Variants in EPB41L2 observed in about 807,000 individuals in gnomAD.
EPB41L2 encodes erythrocyte membrane protein band 4.1 like 2.
Under a neutral mutation model 113.0 loss-of-function variants are expected in EPB41L2, and 43 were observed. The observed-to-expected ratio is 0.38, with a 90% CI of 0.30 to 0.49. The LOEUF (loss-of-function observed/expected upper bound fraction) is 0.49, where lower values mean the gene tolerates loss of function less well. EPB41L2 is among the 20% of genes least tolerant of loss of function. EPB41L2 has a pLI of 0.95. For missense variants in EPB41L2, 1,147 were observed against 1,223.4 expected (o/e 0.94, Z 0.93); for synonymous variants, 442 against 436.7 (o/e 1.01, Z -0.15).
chr6:131,047,341 C>T (rs1268897504), intron 1 of EPB41L2, among the ~76,000 whole-genome samples: 1 of 151,868 alleles, frequency 6.6e-6, no homozygotes, highest in Non-Finnish European at 1.5e-5. Context: ...AGCAAGACCC[C>T]ATCTCTAAAA....
chr6:130,863,894 T>C (rs779038676), intron 17 of EPB41L2, among the ~76,000 whole-genome samples, 176 bp from the exon 18 acceptor site: 6 of 152,204 alleles, frequency 3.9e-5, no homozygotes, highest in Non-Finnish European at 7.4e-5. Flanking sequence ...TTAGGCTCAA[T>C]AGAGAATCCT....
chr6:131,016,553 A>G (rs376862399), intron 1 of EPB41L2, among the ~76,000 whole-genome samples: 2 of 151,802 alleles, frequency 1.3e-5, no homozygotes, highest in South Asian at 2.1e-4. Flanking sequence ...GAGAATACCA[A>G]AATGAATGGG....
At chr6:130,920,415 G>A (rs2128538769) in intron 4 of EPB41L2, among the ~76,000 whole-genome samples, 1 of 152,244 alleles carries the variant, frequency 6.6e-6, no homozygotes, top group Middle Eastern at 3.4e-3. Context: ...ACATCCTCTA[G>A]TATCATTCTC....
chr6:131,029,682 AAT>A (rs1791667561), intron 1 of EPB41L2, among the ~76,000 whole-genome samples: 1 of 152,180 alleles, frequency 6.6e-6, no homozygotes, highest in South Asian at 2.1e-4. Context: ...ACTCAGATTT[AAT>A]ACATTTACTT....
rs1817018184 is a variant in EPB41L2, at chr6:130,955,269, G to T, written c.541C>A (p.Gln181Lys). 3.7e-6 allele frequency: 6 copies of T among 1,613,986 alleles called. No individual in the cohort carries two copies. Among genetic ancestry groups the T allele is most frequent in the Non-Finnish European group, 4.2e-6 (5 of 1,179,998 alleles). The change falls in exon 3 of 20, where the codon CAG becomes AAG. Residue 181 changes from glutamine to lysine, a missense_variant. Gln to Lys is a moderately conservative substitution (Grantham distance 53, BLOSUM62 1). Transcript: ENST00000337057. The part of the protein sequence containing the change: ...KEREEKVKET[Q>K]EDKLEGGAAK... ...GCTCCTCCTTCTAATTTGTCTTCCTGTGTTTCTTTTACCTTCTCTTCTCTC... is the reference window on the plus strand; with the variant it reads ...GCTCCTCCTTCTAATTTGTCTTCCTTTGTTTCTTTTACCTTCTCTTCTCTC...
intron 4 of EPB41L2, among the ~76,000 whole-genome samples, chr6:130,922,416 C>T (rs1304860402): frequency 6.6e-6 from 1 of 152,208 alleles, no homozygotes; most frequent in Non-Finnish European, 1.5e-5. Flanking sequence ...GTTGTGATAG[C>T]TATGAAAAAC....
At chr6:131,055,499 C>CA (rs1238186271) in intron 1 of EPB41L2, among the ~76,000 whole-genome samples, 2 of 152,120 alleles carry the variant, frequency 1.3e-5, no homozygotes, top group Non-Finnish European at 2.9e-5. Flanking sequence ...TACCTTTACA[C>CA]AAAAAACTAC....
At chr6:130,957,489 C>G (rs1817826865) in intron 1 of EPB41L2, among the ~76,000 whole-genome samples, 1 of 152,090 alleles carries the variant, frequency 6.6e-6, no homozygotes, top group East Asian at 1.9e-4. Context: ...AGTGTCCCAG[C>G]TATCTTCAAA....
chr6:131,005,178 G>GTTT (rs5880046), intron 1 of EPB41L2, among the ~76,000 whole-genome samples: 2 of 145,206 alleles, frequency 1.4e-5, no homozygotes, highest in African/African-American at 5.1e-5. Flanking sequence ...CTTTTACAGA[G>GTTT]TTTTTTTTTT....
Position 130,869,683 on chromosome 6 carries a change from TAC to T in EPB41L2, c.2485_2486del (p.Val829ThrfsTer6). The stretch of plus-strand genomic sequence containing the variant: ...TGTCTTGCTTAAGAGCGCCTTCGTG[TAC>T]ACTCTTCTCTCCGGGTATCTTTTGG... ...GAQKIPGEKS[V>X]HEGALKQDMG... On this transcript the variant is annotated frameshift_variant, in exon 15 of 20. Transcript: ENST00000337057. LOFTEE classifies it high-confidence loss of function. 6.2e-7 allele frequency: 1 copy of T among 1,614,228 alleles called. No individual in the cohort carries two copies. The highest frequency in any genetic ancestry group is 8.5e-7 in the Non-Finnish European group (1 of 1,180,046).
intron 1 of EPB41L2, among the ~76,000 whole-genome samples, chr6:131,036,439 T>C (rs1255585002): frequency 6.6e-6 from 1 of 151,746 alleles, no homozygotes; most frequent in Non-Finnish European, 1.5e-5. Flanking sequence ...AGAAGACGGA[T>C]GTAATAAAAA....
At chr6:130,989,406 G>C (rs535879304) in intron 1 of EPB41L2, among the ~76,000 whole-genome samples, 4 of 152,158 alleles carry the variant, frequency 2.6e-5, no homozygotes, top group Non-Finnish European at 4.4e-5. Context: ...TCAAAGAGAA[G>C]TATGCCTTTA....
chr6:130,911,185 C>G (rs936367174), intron 4 of EPB41L2, among the ~76,000 whole-genome samples: 2 of 152,176 alleles, frequency 1.3e-5, no homozygotes, highest in Non-Finnish European at 2.9e-5. Flanking sequence ...CCACGAAATA[C>G]TATGCAGCCA....
chr6:130,846,379 T>TA (rs1777049474), intron 19 of EPB41L2, among the ~76,000 whole-genome samples: 2 of 152,322 alleles, frequency 1.3e-5, no homozygotes, highest in Admixed American at 1.3e-4. Context: ...ACAAAATCTC[T>TA]TTGGGCCTTC....
chr6:130,917,779 AATCT>A, intron 4 of EPB41L2, among the ~76,000 whole-genome samples: 1 of 152,218 alleles, frequency 6.6e-6, no homozygotes, highest in East Asian at 1.9e-4. Flanking sequence ...CCCCCAAAAA[AATCT>A]ATCTCATTCA....
chr6:131,021,266 TCTAA>T (rs1316767192), intron 1 of EPB41L2, among the ~76,000 whole-genome samples: 4 of 152,120 alleles, frequency 2.6e-5, no homozygotes, highest in South Asian at 2.1e-4. Context: ...TACTGATGGC[TCTAA>T]CTATTAGCAG....
At chr6:130,896,522 T>C (rs1307481909) in intron 8 of EPB41L2, among the ~76,000 whole-genome samples, 2 of 152,196 alleles carry the variant, frequency 1.3e-5, no homozygotes, top group Non-Finnish European at 2.9e-5. Flanking sequence ...TTTGAAACAT[T>C]GAATGAGCCA....
chr6:130,956,233 G>C lies in EPB41L2; in HGVS notation c.253C>G (p.Gln85Glu). 1 of 1,613,934 alleles carries C rather than the reference G, an allele frequency of 6.2e-7. No homozygotes were observed. Among genetic ancestry groups the C allele is most frequent in the Non-Finnish European group, 8.5e-7 (1 of 1,180,010 alleles). Reference protein sequence around the residue: ...SRFIPPWLKKQKSYTLVVAKD... With the variant: ...SRFIPPWLKKEKSYTLVVAKD... ...GCCACTACTAAGGTATATGACTTTTGCTTCTTAAGCCATGGCGGTATGAAC... is the reference window on the plus strand; with the variant it reads ...GCCACTACTAAGGTATATGACTTTTCCTTCTTAAGCCATGGCGGTATGAAC... Residue 85 changes from glutamine (Q) to glutamate (E), a missense_variant, in exon 2 of 20, where the codon CAA becomes GAA. Physicochemically the swap from Gln to Glu is conservative, Grantham distance 29. Transcript: ENST00000337057.
chr6:130,918,981 T>C (rs1802003049), intron 4 of EPB41L2, among the ~76,000 whole-genome samples: 1 of 152,206 alleles, frequency 6.6e-6, no homozygotes, highest in Admixed American at 6.5e-5. Flanking sequence ...TTTGCCTAGA[T>C]GTCTTGAGGA....
Sources: gnomAD v4.1 joint callset for allele counts (sites outside exome capture counted in the v4.1 genomes callset) on GRCh38, gnomAD v4.1.1 for gene constraint, MANE v1.5 for transcripts, NCBI Gene and HGNC (gene_info 2026-07-23, HGNC 2026-07-21) for gene names.